Variants in PICK1 observed in about 807,000 individuals in gnomAD.
PICK1 encodes protein interacting with PRKCA 1.
In PICK1, 23 loss-of-function variants were observed where a neutral mutation model predicts 48.9. The observed-to-expected ratio is 0.47, with a 90% CI of 0.34 to 0.67. The LOEUF is 0.67. Ranked by LOEUF, PICK1 falls within the 30% of genes least tolerant of loss-of-function variation. The pLI, the probability that PICK1 is intolerant of heterozygous loss-of-function variation, is 0.01. For missense variants in PICK1, 423 were observed against 557.1 expected (o/e 0.76, Z 2.42); for synonymous variants, 217 against 228.2 (o/e 0.95, Z 0.44).
At chr22:38,059,537 T>C (rs1397105295) in intron 3 of PICK1, among the ~76,000 whole-genome samples, 192 bp downstream of exon 3, 2 of 152,200 alleles carry the variant, frequency 1.3e-5, no homozygotes, top group East Asian at 3.9e-4. Flanking sequence ...GTTTTTTTCC[T>C]TCTCGGCACT....
chr22:38,063,666 A>T (rs183510243), intron 3 of PICK1, among the ~76,000 whole-genome samples: 245 of 134,822 alleles, frequency 1.8e-3, no homozygotes, highest in African/African-American at 6.8e-3. Flanking sequence ...TTTTCGAGAC[A>T]GTGTCTCACT....
intron 5 of PICK1, 110 bp downstream of exon 5, chr22:38,067,880 C>T (rs141586499): frequency 1.1e-6 from 1 of 911,148 alleles, no homozygotes; most frequent in African/African-American, 1.6e-5. Context: ...ACAGGAGAAT[C>T]CAGAGTTACA....
chr22:38,061,939 A>G (rs1179396921), intron 3 of PICK1, among the ~76,000 whole-genome samples: 1 of 152,138 alleles, frequency 6.6e-6, no homozygotes, highest in Non-Finnish European at 1.5e-5. Flanking sequence ...CCTTTCCAAC[A>G]TAGTTATTTT....
chr22:38,068,480 G>A lies in PICK1; in HGVS notation c.350-553G>A, dbSNP rs116932439. ...ATACACCCTAGGGCCAGAGGCCAAGGGGCTAAGGGCAGGCTGGATCTATCT... is the reference window on the plus strand; with the variant it reads ...ATACACCCTAGGGCCAGAGGCCAAGAGGCTAAGGGCAGGCTGGATCTATCT... On this transcript the variant is annotated intron_variant, in intron 5 of 12. Coordinates refer to ENST00000356976, the MANE Select transcript of PICK1 (RefSeq NM_012407.4). Among the ~76,000 whole-genome samples, 716 of 152,278 alleles carry A rather than the reference G, an allele frequency of 4.7e-3. 3 individuals carry two copies. The highest frequency in any genetic ancestry group is 0.014 in the Middle Eastern group (4 of 294).
At chr22:38,071,552 C>T (rs891368014) in intron 7 of PICK1, 130 bp from the exon 8 acceptor site, 26 of 838,204 alleles carry the variant, frequency 3.1e-5, no homozygotes, top group Admixed American at 2.6e-4. Context: ...TGTGGTTGGG[C>T]GGTGGGGAAA....
At position 38,073,501 on chromosome 22, in the gene PICK1, G is replaced by C. The variant is rs1176458574; in HGVS notation, c.784-272G>C. The stretch of plus-strand genomic sequence containing the variant: ...GCAGGACTTATCAGAGCCTTTGCTA[G>C]GCTGATGTGCAGTGTGAATTTTCAA... On this transcript the variant is annotated intron_variant, in intron 10 of 12. Coordinates refer to ENST00000356976, the MANE Select transcript of PICK1 (RefSeq NM_012407.4). The surrounding 1 kb of genome is among the most constrained non-coding windows in gnomAD (Gnocchi z 5.7). Among the ~76,000 whole-genome samples, 1 of 152,220 alleles carries C rather than the reference G, an allele frequency of 6.6e-6. No homozygotes were observed. Among genetic ancestry groups the C allele is most frequent in the Non-Finnish European group, 1.5e-5 (1 of 68,032 alleles).
Position 38,071,857 on chromosome 22 carries a change from T to C in PICK1, c.556+113T>C, listed in dbSNP as rs2085704453. 7.7e-6 allele frequency: 7 copies of C among 911,162 alleles called. No homozygotes were observed. The East Asian group carries it at 1.7e-4, about 22-fold the overall frequency. The allele number at this position is 911,162 out of a possible 1,614,324, so 56.4% of individuals were successfully genotyped here. ...GCCTGACCTCAGGCTCCCTCTGGGC[T>C]GGGCCTGGTCCCAGGTGCTGGGATT... On this transcript the variant is annotated intron_variant, in intron 8 of 12. Coordinates refer to ENST00000356976, the MANE Select transcript of PICK1 (RefSeq NM_012407.4).
At position 38,073,574 on chromosome 22, in the gene PICK1, A is replaced by G. The variant is rs2085754301; in HGVS notation, c.784-199A>G. On this transcript the variant is annotated intron_variant, in intron 10 of 12. Transcript: ENST00000356976. This position sits in a 1 kb window ranked among gnomAD's most constrained non-coding sequence, Gnocchi z 5.7. ...CGACAGACCCCTTTTTCCCCAGAGC[A>G]TCTCTTGGGCCTTGAGTTTGGTCAA... 6.6e-6 allele frequency among the ~76,000 whole-genome samples: 1 copy of G among 152,052 alleles called. No homozygotes were observed. The highest frequency in any genetic ancestry group is 2.4e-5 in the African/African-American group (1 of 41,410).
rs2085812779 is a variant in PICK1 at position 38,075,222 on chromosome 22, T to C, written c.*90T>C. On this transcript the variant is annotated 3_prime_UTR_variant, in exon 13 of 13. Coordinates refer to ENST00000356976, the MANE Select transcript of PICK1 (RefSeq NM_012407.4). Reference sequence around the variant, plus strand: ...GGCCGCCGCGCAAGGGGGCGACGCATAAAGGCCTGCTGGCTTGGGGCGCCT... The same window carrying C: ...GGCCGCCGCGCAAGGGGGCGACGCACAAAGGCCTGCTGGCTTGGGGCGCCT... The C allele has an allele frequency of 7.6e-7, 1 of 1,313,426 alleles. No individual in the cohort carries two copies. The highest frequency in any genetic ancestry group is 1.0e-6 in the Non-Finnish European group (1 of 969,780). The allele number at this position is 1,313,426 out of a possible 1,614,324, so 81.4% of individuals were successfully genotyped here.
Position 38,075,370 on chromosome 22 carries a change from C to T in PICK1, c.*238C>T. 1 of 536,670 alleles carries T rather than the reference C, an allele frequency of 1.9e-6. No homozygotes were observed. Among genetic ancestry groups the T allele is most frequent in the Non-Finnish European group, 3.3e-6 (1 of 302,678 alleles). 33.2% of individuals were successfully genotyped at this position (536,670 alleles called of 1,614,324 possible). ...CCTCCCTCCCCTCCCGGCTCCCCGGCCAGAGGGAGAGCTTGGTCTCTGGAC... is the reference window on the plus strand; with the variant it reads ...CCTCCCTCCCCTCCCGGCTCCCCGGTCAGAGGGAGAGCTTGGTCTCTGGAC... On this transcript the variant is annotated 3_prime_UTR_variant, in exon 13 of 13. Coordinates refer to ENST00000356976, the MANE Select transcript of PICK1 (RefSeq NM_012407.4).
intron 4 of PICK1, 180 bp downstream of exon 4, chr22:38,065,310 A>G: frequency 1.5e-6 from 1 of 664,298 alleles, no homozygotes; most frequent in South Asian, 1.6e-5. Flanking sequence ...TTCATTCAAT[A>G]AATACTAATC....
intron 4 of PICK1, chr22:38,067,327 TGAGACAGA>T: frequency 5.2e-6 from 1 of 193,394 alleles, no homozygotes; most frequent in Middle Eastern, 2.4e-3. Context: ...TTTTTTTTTT[TGAGACAGA>T]ATCTCATTCT....
At chr22:38,068,744 T>G (rs1200635221) in intron 5 of PICK1, among the ~76,000 whole-genome samples, 1 of 152,200 alleles carries the variant, frequency 6.6e-6, no homozygotes, top group Non-Finnish European at 1.5e-5. Flanking sequence ...CATTAGCCTG[T>G]GCTGAGCCCG....
In PICK1 at chr22:38,074,472, C is replaced by T. The variant is rs531293972; in HGVS notation, c.979+21C>T. Reference sequence around the variant, plus strand: ...GCACGGTGAGCGCCGCCCTCCTCCCCGTCCGCTCTCCATTTCAGAGGTGGG... The same window carrying T: ...GCACGGTGAGCGCCGCCCTCCTCCCTGTCCGCTCTCCATTTCAGAGGTGGG... On this transcript the variant is annotated intron_variant, in intron 12 of 12. Coordinates refer to ENST00000356976, the MANE Select transcript of PICK1 (RefSeq NM_012407.4). This position sits in a 1 kb window ranked among gnomAD's most constrained non-coding sequence, Gnocchi z 4.5. 5 of 1,612,514 alleles carry T rather than the reference C, an allele frequency of 3.1e-6. No individual in the cohort carries two copies. Among genetic ancestry groups the T allele is most frequent in the African/African-American group, 2.7e-5 (2 of 74,900 alleles).
rs1490772370 is a variant in PICK1 at position 38,073,935 on chromosome 22, G to A, written c.834+112G>A. ...ACCGGGGGGACTTGGCTGGACTCTC[G>A]TTCCTGGAGATTTAGGGCCATCTTC... is the stretch of plus-strand genomic sequence containing the variant. On this transcript the variant is annotated intron_variant, in intron 11 of 12. Coordinates refer to ENST00000356976, the MANE Select transcript of PICK1 (RefSeq NM_012407.4). This position sits in a 1 kb window ranked among gnomAD's most constrained non-coding sequence, Gnocchi z 5.7. The A allele has an allele frequency of 3.6e-6, 4 of 1,107,042 alleles. No individual in the cohort carries two copies. Among genetic ancestry groups the A allele is most frequent in the Non-Finnish European group, 5.5e-6 (4 of 729,154 alleles). 68.6% of individuals were successfully genotyped at this position (1,107,042 alleles called of 1,614,324 possible).
At chr22:38,068,193 C>T in intron 5 of PICK1, 4 of 455,188 alleles carry the variant, frequency 8.8e-6, no homozygotes, top group South Asian at 6.2e-5. Flanking sequence ...CTCCTGCCAT[C>T]AGCTCCCAGG....
chr22:38,059,529 T>C (rs1183544617), intron 3 of PICK1, among the ~76,000 whole-genome samples, 184 bp downstream of exon 3: 1 of 152,204 alleles, frequency 6.6e-6, no homozygotes, highest in Non-Finnish European at 1.5e-5. Flanking sequence ...GTCGCTCTGT[T>C]TTTTTCCTTC....
rs775234079 is a variant in PICK1, at chr22:38,074,263, G to C, written c.835-44G>C. ...TGGCTTTGAAAGCACAGTGCGGTGC[G>C]AGGCCGTCCCTGAGCAGGCACTCCT... is the stretch of plus-strand genomic sequence containing the variant. On this transcript the variant is annotated intron_variant, in intron 11 of 12. Transcript: ENST00000356976. The surrounding 1 kb of genome is among the most constrained non-coding windows in gnomAD (Gnocchi z 4.5). The C allele has an allele frequency of 1.3e-5, 21 of 1,609,856 alleles. 1 individual carries two copies. The South Asian group carries it at 1.9e-4, about 14-fold the overall frequency.
intron 6 of PICK1, among the ~76,000 whole-genome samples, chr22:38,070,244 C>T (rs1051658845): frequency 6.6e-6 from 1 of 152,280 alleles, no homozygotes; most frequent in African/African-American, 2.4e-5. Context: ...CCCTGCAGCC[C>T]TCACCATCAC....
Sources: gnomAD v4.1 joint callset for allele counts (sites outside exome capture counted in the v4.1 genomes callset) on GRCh38, gnomAD v4.1.1 for gene constraint, Gnocchi (gnomAD v3.1) non-coding constraint, MANE v1.5 for transcripts, NCBI Gene and HGNC (gene_info 2026-07-23, HGNC 2026-07-21) for gene names.